The following BCAS3 variants were observed in gnomAD, a reference collection of about 807,000 sequenced individuals.
The protein encoded by BCAS3 is BCAS3 microtubule associated cell migration factor, also known as BCAS4/BCAS3 fusion.
In BCAS3, 53 loss-of-function variants were observed where a neutral mutation model predicts 116.1. That is an observed-to-expected ratio of 0.46 (90% CI 0.37 to 0.57). BCAS3 has a LOEUF of 0.57. Ranked by LOEUF, BCAS3 falls within the 20% of genes least tolerant of loss-of-function variation. The pLI, the probability that BCAS3 is intolerant of heterozygous loss-of-function variation, is 0.00. For missense variants in BCAS3, 917 were observed against 1,165.4 expected (o/e 0.79, Z 3.10); for synonymous variants, 391 against 408.2 (o/e 0.96, Z 0.51).
chr17:60,837,260 A>G (rs1004610485), intron 7 of BCAS3, among the ~76,000 whole-genome samples: 3 of 152,176 alleles, frequency 2.0e-5, no homozygotes, highest in African/African-American at 4.8e-5. Context: ...AACATCCACA[A>G]CCTTGTTTAA....
At position 61,199,020 on chromosome 17, in the gene BCAS3, A is replaced by C. The variant is rs1458244549; in HGVS notation, c.2425+114456A>C. ...ATACTCTGATTACTAGAAATATATA[A>C]ATGAAACCAACATTTCTCTATCCTG... is the stretch of plus-strand genomic sequence containing the variant. On this transcript the variant is annotated intron_variant, in intron 22 of 23. Transcript: ENST00000407086. This position sits in a 1 kb window ranked among gnomAD's most constrained non-coding sequence, Gnocchi z 4.6. Among the ~76,000 whole-genome samples the C allele has an allele frequency of 3.3e-5, 5 of 152,346 alleles. No individual in the cohort carries two copies. Among genetic ancestry groups the C allele is most frequent in the African/African-American group, 1.2e-4 (5 of 41,568 alleles).
chr17:60,836,328 C>T (rs2051374551), intron 7 of BCAS3, among the ~76,000 whole-genome samples: 1 of 152,094 alleles, frequency 6.6e-6, no homozygotes, highest in Admixed American at 6.6e-5. Flanking sequence ...TAATTCTTTT[C>T]TTAATTTTTA....
intron 22 of BCAS3, among the ~76,000 whole-genome samples, chr17:61,312,438 T>C (rs956033564): frequency 1.3e-5 from 2 of 152,192 alleles, no homozygotes; most frequent in African/African-American, 2.4e-5. Context: ...GGCCATGCTG[T>C]TGGGGTAATT....
At chr17:60,941,028 G>A (rs2060194754) in intron 13 of BCAS3, among the ~76,000 whole-genome samples, 2 of 152,216 alleles carry the variant, frequency 1.3e-5, no homozygotes, top group Admixed American at 6.5e-5. Flanking sequence ...AAGCCTTAAT[G>A]TTCAGTCTCC....
rs1400094429 is a variant in BCAS3, at chr17:61,233,977, TG to T, written c.2426-134348del. Among the ~76,000 whole-genome samples, 2 of 151,724 alleles carry T rather than the reference TG, an allele frequency of 1.3e-5. No individual in the cohort carries two copies. Among genetic ancestry groups the T allele is most frequent in the African/African-American group, 4.8e-5 (2 of 41,246 alleles). ...AATTGAGTATTACTAATATCAGGTT[TG>T]GTTTTTTTTTTTTTCACTTAGTACC... On this transcript the variant is annotated intron_variant, in intron 22 of 23. Coordinates refer to ENST00000407086, the MANE Select transcript of BCAS3 (RefSeq NM_017679.5). This position sits in a 1 kb window ranked among gnomAD's most constrained non-coding sequence, Gnocchi z 4.3.
At position 61,235,293 on chromosome 17, in the gene BCAS3, G is replaced by C. The variant is rs970390240; in HGVS notation, c.2426-133034G>C. Among the ~76,000 whole-genome samples the C allele has an allele frequency of 6.6e-6, 1 of 152,196 alleles. No homozygotes were observed. Among genetic ancestry groups the C allele is most frequent in the African/African-American group, 2.4e-5 (1 of 41,438 alleles). ...AAGGACCGGATAAGTGTAGTTTCCA[G>C]AATCCTTCTTGGCTAGTTATAGTCT... On this transcript the variant is annotated intron_variant, in intron 22 of 23. Coordinates refer to ENST00000407086, the MANE Select transcript of BCAS3 (RefSeq NM_017679.5). The surrounding 1 kb of genome is among the most constrained non-coding windows in gnomAD (Gnocchi z 5.0).
chr17:60,869,402 C>T (rs1428289972), intron 8 of BCAS3, among the ~76,000 whole-genome samples: 1 of 152,100 alleles, frequency 6.6e-6, no homozygotes, highest in East Asian at 1.9e-4. Flanking sequence ...TATAAATCTT[C>T]CATGCCATTA....
chr17:60,733,022 C>A (rs1296873213), intron 5 of BCAS3, among the ~76,000 whole-genome samples: 1 of 152,128 alleles, frequency 6.6e-6, no homozygotes, highest in South Asian at 2.1e-4. Flanking sequence ...TAGACTGAAT[C>A]ATTCATTCAT....
intron 7 of BCAS3, among the ~76,000 whole-genome samples, chr17:60,838,000 AT>A (rs1483047333): frequency 1.3e-5 from 2 of 152,312 alleles, no homozygotes; most frequent in South Asian, 4.1e-4. Context: ...TAACATTTAA[AT>A]TAAAAAATTT....
At chr17:61,050,085 T>A (rs2068722542) in intron 19 of BCAS3, among the ~76,000 whole-genome samples, 1 of 152,028 alleles carries the variant, frequency 6.6e-6, no homozygotes, top group South Asian at 2.1e-4. Context: ...CAGAATTATA[T>A]TCTGCCTTTG....
chr17:61,244,992 T>A lies in BCAS3; in HGVS notation c.2426-123335T>A, dbSNP rs558508438. ...AATGTGGTGTAATAGACTATAATTT[T>A]AGTAAGTGTATCAGTCCATTCTCAC... On this transcript the variant is annotated intron_variant, in intron 22 of 23. Transcript: ENST00000407086. The surrounding 1 kb of genome is among the most constrained non-coding windows in gnomAD (Gnocchi z 4.9). Among the ~76,000 whole-genome samples, 1 of 152,358 alleles carries A rather than the reference T, an allele frequency of 6.6e-6. No individual in the cohort carries two copies. Among genetic ancestry groups the A allele is most frequent in the South Asian group, 2.1e-4 (1 of 4,832 alleles).
At chr17:60,947,707 G>C (rs930093538) in intron 14 of BCAS3, among the ~76,000 whole-genome samples, 8 of 151,982 alleles carry the variant, frequency 5.3e-5, no homozygotes, top group African/African-American at 1.2e-4. Flanking sequence ...ACATAAATAT[G>C]TATGTGCATA....
intron 22 of BCAS3, among the ~76,000 whole-genome samples, chr17:61,212,394 C>T (rs948758352): frequency 4.6e-5 from 7 of 152,082 alleles, no homozygotes; most frequent in Admixed American, 1.3e-4. Context: ...AGGGCCACCA[C>T]GCCCAGCCTT....
intron 7 of BCAS3, among the ~76,000 whole-genome samples, chr17:60,820,567 T>C (rs1209479871): frequency 1.3e-5 from 2 of 152,176 alleles, no homozygotes; most frequent in East Asian, 1.9e-4. Flanking sequence ...GAAATAGGCT[T>C]GGTGAAAATG....
intron 2 of BCAS3, among the ~76,000 whole-genome samples, chr17:60,681,050 C>G (rs1305008488): frequency 6.6e-6 from 1 of 152,112 alleles, no homozygotes; most frequent in Non-Finnish European, 1.5e-5. Flanking sequence ...TAAAAAAATA[C>G]AAAAATTAGC....
chr17:61,165,864 A>G (rs570112871), intron 22 of BCAS3, among the ~76,000 whole-genome samples: 2 of 152,350 alleles, frequency 1.3e-5, no homozygotes, highest in South Asian at 4.1e-4. Flanking sequence ...AGAGGCAGGA[A>G]TTACTATTTT....
intron 7 of BCAS3, chr17:60,810,234 C>T: frequency 2.3e-6 from 1 of 435,612 alleles, no homozygotes; most frequent in Non-Finnish European, 4.5e-6. Context: ...AGGTGCCCAG[C>T]TATGGCACCC....
intron 23 of BCAS3, among the ~76,000 whole-genome samples, chr17:61,369,436 C>A (rs1359661061): frequency 6.6e-6 from 1 of 152,196 alleles, no homozygotes; most frequent in African/African-American, 2.4e-5. Context: ...GAGAAACTTA[C>A]AACAATGGGG....
At position 61,171,914 on chromosome 17, in the gene BCAS3, T is replaced by G. The variant is rs2078862466; in HGVS notation, c.2425+87350T>G. On this transcript the variant is annotated intron_variant, in intron 22 of 23. Coordinates refer to ENST00000407086, the MANE Select transcript of BCAS3 (RefSeq NM_017679.5). This position sits in a 1 kb window ranked among gnomAD's most constrained non-coding sequence, Gnocchi z 4.1. The stretch of plus-strand genomic sequence containing the variant: ...TTCCAAAGTGTTACGATTACCAGTG[T>G]GAGCCACCATACCCAGCAAACAGGA... 6.6e-6 allele frequency among the ~76,000 whole-genome samples: 1 copy of G among 152,112 alleles called. No individual in the cohort carries two copies. Among genetic ancestry groups the G allele is most frequent in the East Asian group, 1.9e-4 (1 of 5,186 alleles).
Sources: allele counts gnomAD v4.1 joint callset (sites outside exome capture counted in the v4.1 genomes callset), GRCh38; gene constraint gnomAD v4.1.1; non-coding constraint Gnocchi (gnomAD v3.1); transcripts MANE v1.5; gene names NCBI Gene and HGNC (gene_info 2026-07-23, HGNC 2026-07-21).